Variants in PCDH11X observed in about 807,000 individuals in gnomAD.
PCDH11X encodes protocadherin 11 X-linked.
Under a neutral mutation model 53.3 loss-of-function variants are expected in PCDH11X, and 18 were observed. That is an observed-to-expected ratio of 0.34 (90% CI 0.23 to 0.50). The LOEUF (loss-of-function observed/expected upper bound fraction) is 0.50, where lower values mean the gene tolerates loss of function less well. PCDH11X is among the 20% of genes least tolerant of loss of function. The probability of loss-of-function intolerance (pLI) is 0.98; values close to 1 mark genes in which losing one functional copy is unlikely to be tolerated. For synonymous variants in PCDH11X, 279 were observed against 393.3 expected (o/e 0.71, Z 3.44); for missense variants, 570 against 1,032.4 (o/e 0.55, Z 6.14).
In PCDH11X at chrX:92,342,555, A is replaced by G. The variant is rs75686312; in HGVS notation, c.3145-45180A>G. 2.9e-3 allele frequency among the ~76,000 whole-genome samples: 329 copies of G among 111,993 alleles called. 6 individuals are homozygous for G. In the East Asian group the frequency reaches 0.056, roughly 19 times the overall value. On this transcript the variant is annotated intron_variant, in intron 8 of 10. Transcript: ENST00000682573. ...GAACAAAATCATATCCTGTGCAGCAATGTGAATGCATTTCGAGGCCATTTT... is the reference window on the plus strand; with the variant it reads ...GAACAAAATCATATCCTGTGCAGCAGTGTGAATGCATTTCGAGGCCATTTT...
chrX:92,029,424 T>C (rs1395504196), intron 6 of PCDH11X, among the ~76,000 whole-genome samples: 1 of 112,119 alleles, frequency 8.9e-6, no homozygotes, highest in Non-Finnish European at 1.9e-5. Context: ...AGGCTGAAAT[T>C]TCTCCCTCTT....
intron 6 of PCDH11X, among the ~76,000 whole-genome samples, chrX:91,928,204 G>A (rs2147833475): frequency 9.3e-6 from 1 of 107,678 alleles, no homozygotes; most frequent in South Asian, 4.2e-4. Context: ...ATATAAAAAA[G>A]ACCAAGCTAC....
chrX:91,930,424 G>A (rs1403139101), intron 6 of PCDH11X, among the ~76,000 whole-genome samples: 3 of 99,876 alleles, frequency 3.0e-5, no homozygotes, highest in Admixed American at 1.1e-4. Flanking sequence ...TAAAGTAACA[G>A]ATAAACCATG....
chrX:91,825,332 G>C (rs1264929289), intron 4 of PCDH11X, among the ~76,000 whole-genome samples: 1 of 111,061 alleles, frequency 9.0e-6, no homozygotes, highest in Non-Finnish European at 1.9e-5. Flanking sequence ...GCGAGACTCC[G>C]TGGGCGTAGG....
At chrX:91,813,741 G>A (rs1262627270) in intron 4 of PCDH11X, among the ~76,000 whole-genome samples, 1 of 105,830 alleles carries the variant, frequency 9.4e-6, no homozygotes, top group African/African-American at 3.5e-5. Context: ...TAAAAACGTG[G>A]AAGTAGACCA....
chrX:92,592,605 C>T (rs1439507938), intron 10 of PCDH11X, among the ~76,000 whole-genome samples: 1 of 110,217 alleles, frequency 9.1e-6, no homozygotes, highest in Non-Finnish European at 1.9e-5. Context: ...GTGGCATGCA[C>T]CTGTAGTCCC....
chrX:92,168,946 G>A (rs960455608), intron 6 of PCDH11X, among the ~76,000 whole-genome samples: 1 of 111,710 alleles, frequency 9.0e-6, no homozygotes, highest in Non-Finnish European at 1.9e-5. Context: ...CACCTTCCCT[G>A]AATTATGTAT....
chrX:92,515,859 A>G (rs1312068226), intron 10 of PCDH11X, among the ~76,000 whole-genome samples: 1 of 110,828 alleles, frequency 9.0e-6, no homozygotes, highest in Non-Finnish European at 1.9e-5. Flanking sequence ...ACTTGGATAC[A>G]TGTTTGATAT....
In PCDH11X at chrX:92,618,681, C is replaced by G; in HGVS notation, c.3785C>G (p.Pro1262Arg). ...GCAATCAGCCACAGCTCTCCTCTGCCACAGGTTATTGCCCTCCATCGTAGT... is the reference window on the plus strand; with the variant it reads ...GCAATCAGCCACAGCTCTCCTCTGCGACAGGTTATTGCCCTCCATCGTAGT... ...AAAISHSSPL[P>R]QVIALHRSQA... Residue 1262 changes from proline (P) to arginine (R), a missense_variant, in exon 11 of 11, where the codon CCA becomes CGA. Physicochemically the swap from Pro to Arg is moderately radical, Grantham distance 103. Coordinates refer to ENST00000682573, the MANE Select transcript of PCDH11X (RefSeq NM_032968.5). 2 of 1,212,112 alleles carry G rather than the reference C, an allele frequency of 1.7e-6. No individual in the cohort carries two copies. The highest frequency in any genetic ancestry group is 2.2e-6 in the Non-Finnish European group (2 of 895,540).
chrX:92,438,618 C>T (rs1442160174), intron 9 of PCDH11X, among the ~76,000 whole-genome samples: 4 of 110,965 alleles, frequency 3.6e-5, no homozygotes, highest in Non-Finnish European at 7.6e-5. Context: ...TAGAAAGGTG[C>T]CCTTCTTATA....
intron 7 of PCDH11X, among the ~76,000 whole-genome samples, chrX:92,232,951 C>G (rs1037862274): frequency 1.3e-4 from 15 of 111,410 alleles, no homozygotes; most frequent in East Asian, 5.7e-4. Context: ...TCCCGACCTC[C>G]TGATCCGCCC....
intron 6 of PCDH11X, among the ~76,000 whole-genome samples, chrX:91,966,594 A>G (rs34284473): frequency 9.1e-6 from 1 of 110,361 alleles, no homozygotes; most frequent in Non-Finnish European, 1.9e-5. Context: ...ATGTATACCT[A>G]TGTAACATAC....
intron 10 of PCDH11X, among the ~76,000 whole-genome samples, chrX:92,597,851 C>G (rs2750665): frequency 9.0e-6 from 1 of 111,247 alleles, no homozygotes; most frequent in Non-Finnish European, 1.9e-5. Flanking sequence ...GGAACAGAAT[C>G]GAGAACCTAC....
chrX:92,061,117 A>G lies in PCDH11X; in HGVS notation c.3034-140258A>G, dbSNP rs764665679. On this transcript the variant is annotated intron_variant, in intron 6 of 10. Transcript: ENST00000682573. ...ATTTTTTCATATGCTTGTTGGCCAC[A>G]TGTATGTACACTTTTGCAAAGTATA... Among the ~76,000 whole-genome samples the G allele has an allele frequency of 1.3e-3, 143 of 112,087 alleles. 1 individual carries two copies. Among genetic ancestry groups the G allele is most frequent in the Non-Finnish European group, 8.3e-4 (44 of 53,168 alleles).
intron 6 of PCDH11X, among the ~76,000 whole-genome samples, chrX:91,929,081 T>C (rs1038733586): frequency 8.1e-5 from 9 of 111,385 alleles, no homozygotes; most frequent in African/African-American, 2.6e-4. Context: ...TAGATTATAA[T>C]AAATATTAAG....
chrX:92,359,717 A>T (rs1322591806), intron 8 of PCDH11X, among the ~76,000 whole-genome samples: 2 of 110,656 alleles, frequency 1.8e-5, no homozygotes, highest in Non-Finnish European at 3.8e-5. Context: ...GGTTTTGTAC[A>T]TGGTAACTAG....
At chrX:91,817,282 A>G (rs1936485391) in intron 4 of PCDH11X, among the ~76,000 whole-genome samples, 1 of 99,343 alleles carries the variant, frequency 1.0e-5, no homozygotes, top group Non-Finnish European at 2.0e-5. Flanking sequence ...ATGAGGGGAG[A>G]TTTGATTGTT....
intron 8 of PCDH11X, among the ~76,000 whole-genome samples, chrX:92,355,222 T>G (rs2070165253): frequency 1.1e-5 from 1 of 91,501 alleles, no homozygotes; most frequent in African/African-American, 4.2e-5. Context: ...GGTCAGGAGA[T>G]CGAGACCATC....
In PCDH11X at chrX:91,893,347, A is replaced by ATTT. The variant is rs58312535; in HGVS notation, c.3033+14090_3033+14092dup. Among the ~76,000 whole-genome samples, 58 of 88,684 alleles carry ATTT rather than the reference A, an allele frequency of 6.5e-4. 2 individuals carry two copies. In the South Asian group the frequency reaches 0.031, roughly 47 times the overall value. The allele number at this position is 88,684 out of a possible 115,157, so 77.0% of individuals were successfully genotyped here. A position where few individuals can be genotyped will look rare whatever the true frequency, so the allele number is the denominator to read the frequency against. ...ATATACAAAGGGGTGAGAGAACCGC[A>ATTT]TTTTTTTTTTTTTTTTTTGAGATGG... is the stretch of plus-strand genomic sequence containing the variant. On this transcript the variant is annotated intron_variant, in intron 6 of 10. Transcript: ENST00000682573.
Sources: gnomAD v4.1 joint callset for allele counts (sites outside exome capture counted in the v4.1 genomes callset) on GRCh38, gnomAD v4.1.1 for gene constraint, MANE v1.5 for transcripts, NCBI Gene and HGNC (gene_info 2026-07-23, HGNC 2026-07-21) for gene names.